PPP2R2B: variants seen among roughly 807,000 people sequenced by gnomAD.
PPP2R2B encodes the protein serine/threonine-protein phosphatase 2A 55 kDa regulatory subunit B beta isoform.
A neutral mutation model predicts 46.0 loss-of-function variants in PPP2R2B; 5 were observed. The ratio of observed to expected loss-of-function variants is 0.11; its 90% CI spans 0.06 to 0.23. The LOEUF (loss-of-function observed/expected upper bound fraction) is 0.23, where lower values mean the gene tolerates loss of function less well. Ranked by LOEUF, PPP2R2B falls within the 10% of genes least tolerant of loss-of-function variation. The pLI, the probability that PPP2R2B is intolerant of heterozygous loss-of-function variation, is 1.00. For missense variants in PPP2R2B, 367 were observed against 575.0 expected (o/e 0.64, Z 3.70); for synonymous variants, 215 against 206.7 (o/e 1.04, Z -0.34).
chr5:146,711,808 G>C (rs754428301), intron 2 of PPP2R2B, among the ~76,000 whole-genome samples: 2 of 152,102 alleles, frequency 1.3e-5, no homozygotes, highest in Non-Finnish European at 2.9e-5. Flanking sequence ...TGGGAGGTTG[G>C]GATACAAGTA....
chr5:146,764,339 G>A (rs1394046558), intron 2 of PPP2R2B, among the ~76,000 whole-genome samples: 3 of 152,140 alleles, frequency 2.0e-5, no homozygotes, highest in African/African-American at 7.2e-5. Flanking sequence ...TTTACATTTG[G>A]ATATATCACT....
At chr5:146,996,100 G>A (rs149328241) in intron 1 of PPP2R2B, among the ~76,000 whole-genome samples, 1 of 152,330 alleles carries the variant, frequency 6.6e-6, no homozygotes, top group East Asian at 1.9e-4. Context: ...ACCAAGGACA[G>A]TAGGATGTGT....
At chr5:146,795,377 C>G (rs1211156712) in intron 2 of PPP2R2B, among the ~76,000 whole-genome samples, 1 of 152,116 alleles carries the variant, frequency 6.6e-6, no homozygotes, top group Non-Finnish European at 1.5e-5. Flanking sequence ...GAAACCCTCC[C>G]ATTTGTGACC....
intron 2 of PPP2R2B, among the ~76,000 whole-genome samples, chr5:146,753,416 T>C (rs939996668): frequency 1.3e-5 from 2 of 152,186 alleles, no homozygotes; most frequent in African/African-American, 4.8e-5. Context: ...ATTGAATAAA[T>C]AAGTGCTGGT....
intron 2 of PPP2R2B, among the ~76,000 whole-genome samples, chr5:146,829,024 T>A (rs1444611907): frequency 1.3e-5 from 2 of 152,206 alleles, no homozygotes; most frequent in African/African-American, 4.8e-5. Flanking sequence ...GTGAGCTGAA[T>A]AATACAGACC....
intron 1 of PPP2R2B, among the ~76,000 whole-genome samples, chr5:146,944,976 T>C (rs1764433504): frequency 6.6e-6 from 1 of 152,196 alleles, no homozygotes; most frequent in African/African-American, 2.4e-5. Flanking sequence ...GTTGACTCTT[T>C]GACAAATATG....
At chr5:146,707,261 T>A in intron 2 of PPP2R2B, 1 of 1,586,386 alleles carries the variant, frequency 6.3e-7, no homozygotes, top group Non-Finnish European at 8.6e-7. Context: ...GTCTCCAGCA[T>A]CTTGTTCTGC....
chr5:146,986,609 T>C (rs1753440475), intron 1 of PPP2R2B, among the ~76,000 whole-genome samples: 2 of 151,984 alleles, frequency 1.3e-5, no homozygotes, highest in Non-Finnish European at 2.9e-5. Context: ...TAAAAAAATA[T>C]GGATGAATTG....
chr5:146,977,167 G>A (rs146958591), intron 1 of PPP2R2B, among the ~76,000 whole-genome samples: 62 of 152,010 alleles, frequency 4.1e-4, no homozygotes, highest in Admixed American at 2.6e-3. Context: ...TTCACCCCCC[G>A]ACAAGGTCCA....
At chr5:146,918,353 G>A (rs1486900014) in intron 1 of PPP2R2B, 1 of 152,078 alleles carries the variant, frequency 6.6e-6, no homozygotes, top group Non-Finnish European at 1.5e-5. Context: ...CATAGTATGG[G>A]GCAGGATTTT....
chr5:146,696,228 C>G (rs552035311), intron 4 of PPP2R2B, among the ~76,000 whole-genome samples: 1 of 151,890 alleles, frequency 6.6e-6, no homozygotes, highest in Non-Finnish European at 1.5e-5. Flanking sequence ...CTCAGCCTCC[C>G]GAGTAGCCAG....
At chr5:146,899,591 T>C (rs1046044097) in intron 1 of PPP2R2B, among the ~76,000 whole-genome samples, 1 of 151,860 alleles carries the variant, frequency 6.6e-6, no homozygotes. Flanking sequence ...AACCTGCACA[T>C]TGTGCACATG....
At chr5:146,796,666 T>A (rs1340272310) in intron 2 of PPP2R2B, among the ~76,000 whole-genome samples, 1 of 152,184 alleles carries the variant, frequency 6.6e-6, no homozygotes, top group Non-Finnish European at 1.5e-5. Context: ...ATGTACAATT[T>A]GGGAAGTCCT....
At chr5:146,906,885 T>C (rs978156957) in intron 1 of PPP2R2B, among the ~76,000 whole-genome samples, 4 of 152,238 alleles carry the variant, frequency 2.6e-5, no homozygotes, top group African/African-American at 7.2e-5. Flanking sequence ...TTTTTTGAAA[T>C]GTCAATTGCA....
In PPP2R2B at chr5:146,731,274, T is replaced by G. The variant is rs534202712; in HGVS notation, c.71-30132A>C. Among the ~76,000 whole-genome samples the G allele has an allele frequency of 4.6e-5, 7 of 152,358 alleles. No individual in the cohort carries two copies. In the East Asian group the frequency reaches 1.3e-3, roughly 29 times the overall value. ...CAGAATAATTGCCAGTTACTGGCAC[T>G]TAAAATGGCTGCAAAATCTGTGGTA... On this transcript the variant is annotated intron_variant, in intron 2 of 9. Coordinates refer to ENST00000394411, the MANE Select transcript of PPP2R2B (RefSeq NM_181675.4).
chr5:146,710,562 T>C (rs1023650312), intron 2 of PPP2R2B, among the ~76,000 whole-genome samples: 1 of 152,158 alleles, frequency 6.6e-6, no homozygotes, highest in African/African-American at 2.4e-5. Context: ...AAAAATCCAG[T>C]GGGAAATTGA....
chr5:146,928,505 TCATAC>T (rs1763862984), intron 1 of PPP2R2B, among the ~76,000 whole-genome samples: 1 of 152,144 alleles, frequency 6.6e-6, no homozygotes, highest in Non-Finnish European at 1.5e-5. Flanking sequence ...TCATTCTCTC[TCATAC>T]CATCAGGAAA....
At chr5:146,970,790 GC>G (rs1752629841) in intron 1 of PPP2R2B, among the ~76,000 whole-genome samples, 2 of 151,980 alleles carry the variant, frequency 1.3e-5, no homozygotes, top group Admixed American at 1.3e-4. Flanking sequence ...TTGAGGAGTT[GC>G]CCCGTAAAAC....
rs1412750900 is a variant in PPP2R2B, at chr5:146,588,195, G to GTCTT, written c.*1748_*1751dup. On this transcript the variant is annotated 3_prime_UTR_variant, in exon 10 of 10. Transcript: ENST00000394411. ...AAATGAGAAATACTGAGAAAGTCTC[G>GTCTT]TCTTTGTTCCCATGCTCCCTCAATT... The GTCTT allele has an allele frequency of 6.6e-6, 1 of 152,160 alleles. No homozygotes were observed. Among genetic ancestry groups the GTCTT allele is most frequent in the African/African-American group, 2.4e-5 (1 of 41,432 alleles). 9.4% of individuals were successfully genotyped at this position (152,160 alleles called of 1,614,324 possible). A position where few individuals can be genotyped will look rare whatever the true frequency, so the allele number is the denominator to read the frequency against.
Sources: gnomAD v4.1 joint callset for allele counts (sites outside exome capture counted in the v4.1 genomes callset) on GRCh38, gnomAD v4.1.1 for gene constraint, MANE v1.5 for transcripts, NCBI Gene and HGNC (gene_info 2026-07-23, HGNC 2026-07-21) for gene names.